VWC2L: variants seen among roughly 807,000 people sequenced by gnomAD.
VWC2L encodes von Willebrand factor C domain containing 2 like, also known as von Willebrand factor C domain-containing protein 2-like.
Under a neutral mutation model 21.6 loss-of-function variants are expected in VWC2L, and 10 were observed. That is an observed-to-expected ratio of 0.46 (90% CI 0.29 to 0.78). VWC2L has a LOEUF of 0.78. VWC2L is among the 30% of genes least tolerant of loss of function. The pLI is 0.10. For missense variants in VWC2L, 209 were observed against 277.1 expected (o/e 0.75, Z 1.74); for synonymous variants, 96 against 94.3 (o/e 1.02, Z -0.10).
chr2:214,412,467 G>GA (rs750769988), intron 1 of VWC2L, among the ~76,000 whole-genome samples: 4 of 151,944 alleles, frequency 2.6e-5, no homozygotes, highest in African/African-American at 7.2e-5. Context: ...TAATTTGAGA[G>GA]AAAAAAATGC....
chr2:214,461,881 GTGTCAGCTAC>G (rs1167919317), intron 3 of VWC2L, among the ~76,000 whole-genome samples: 1 of 152,222 alleles, frequency 6.6e-6, no homozygotes, highest in Non-Finnish European at 1.5e-5. Context: ...GTTGCTATCA[GTGTCAGCTAC>G]CTCAGAAAGC....
intron 3 of VWC2L, among the ~76,000 whole-genome samples, chr2:214,459,326 T>C (rs1330099198): frequency 2.0e-5 from 3 of 152,240 alleles, no homozygotes; most frequent in Non-Finnish European, 2.9e-5. Context: ...GGGTTTCTTT[T>C]AGGCAGCACA....
intron 3 of VWC2L, among the ~76,000 whole-genome samples, chr2:214,514,083 C>T (rs979615768): frequency 1.1e-4 from 16 of 151,910 alleles, no homozygotes; most frequent in African/African-American, 2.4e-4. Context: ...CTCATGCAAA[C>T]GACTTCATCT....
chr2:214,563,122 A>T (rs12463663), intron 3 of VWC2L, among the ~76,000 whole-genome samples: 104,649 of 151,996 alleles, frequency 0.69, 37,744 homozygotes, highest in East Asian at 0.83. Context: ...CATCTTGAGT[A>T]AATTTTTCTA....
Position 214,576,653 on chromosome 2 carries a change from T to A in VWC2L, c.*833T>A, listed in dbSNP as rs1450406178. The A allele has an allele frequency of 6.6e-6, 1 of 152,296 alleles. No homozygotes were observed. The highest frequency in any genetic ancestry group is 2.1e-4 in the South Asian group (1 of 4,820). 9.4% of individuals were successfully genotyped at this position (152,296 alleles called of 1,614,324 possible). On this transcript the variant is annotated 3_prime_UTR_variant, in exon 4 of 4. Transcript: ENST00000312504. ...TGATGTGAAATTTGAGTTTGGTTTG[T>A]AGCTAAACACACTCTAAACTCACTG...
intron 3 of VWC2L, among the ~76,000 whole-genome samples, chr2:214,541,208 T>G (rs1689621309): frequency 6.6e-6 from 1 of 152,184 alleles, no homozygotes; most frequent in Admixed American, 6.5e-5. Flanking sequence ...TCAGGATCAT[T>G]GGGCTTTTTA....
At chr2:214,561,959 C>T (rs1054135011) in intron 3 of VWC2L, among the ~76,000 whole-genome samples, 3 of 151,658 alleles carry the variant, frequency 2.0e-5, no homozygotes, top group Non-Finnish European at 2.9e-5. Context: ...GTTCAAAGCA[C>T]ACTAAGTCTT....
At chr2:214,563,279 G>A (rs1475273346) in intron 3 of VWC2L, among the ~76,000 whole-genome samples, 1 of 152,014 alleles carries the variant, frequency 6.6e-6, no homozygotes, top group Non-Finnish European at 1.5e-5. Context: ...CGGGTGCGGT[G>A]GTGCACGCCT....
intron 3 of VWC2L, among the ~76,000 whole-genome samples, chr2:214,569,307 T>C (rs1011441593): frequency 6.6e-6 from 1 of 151,998 alleles, no homozygotes; most frequent in African/African-American, 2.4e-5. Context: ...GAAATCAATG[T>C]CTGTATTTCA....
At chr2:214,418,050 T>C (rs981774275) in intron 2 of VWC2L, among the ~76,000 whole-genome samples, 3 of 152,146 alleles carry the variant, frequency 2.0e-5, no homozygotes, top group Admixed American at 1.3e-4. Flanking sequence ...TTCCACAGTA[T>C]GGAACACTTT....
At chr2:214,487,224 C>T (rs1464265381) in intron 3 of VWC2L, among the ~76,000 whole-genome samples, 4 of 151,892 alleles carry the variant, frequency 2.6e-5, no homozygotes, top group South Asian at 2.1e-4. Context: ...GTGACCAGTA[C>T]GTGTTACTTT....
intron 3 of VWC2L, among the ~76,000 whole-genome samples, chr2:214,561,802 A>C (rs1366884560): frequency 7.2e-6 from 1 of 138,286 alleles, no homozygotes; most frequent in Non-Finnish European, 1.5e-5. Flanking sequence ...ATATATATAT[A>C]TATATATACA....
At chr2:214,454,081 T>C (rs192168064) in intron 3 of VWC2L, among the ~76,000 whole-genome samples, 60 of 152,256 alleles carry the variant, frequency 3.9e-4, no homozygotes, top group Non-Finnish European at 6.9e-4. Flanking sequence ...TTGATACTAG[T>C]ATATAGAAAT....
At chr2:214,526,175 T>C (rs1433744514) in intron 3 of VWC2L, among the ~76,000 whole-genome samples, 1 of 151,696 alleles carries the variant, frequency 6.6e-6, no homozygotes, top group African/African-American at 2.4e-5. Flanking sequence ...ATTATTAATA[T>C]TTTCCAAAGC....
At chr2:214,519,121 CAGTGCGATTG>C (rs1689191129) in intron 3 of VWC2L, among the ~76,000 whole-genome samples, 1 of 152,142 alleles carries the variant, frequency 6.6e-6, no homozygotes, top group Non-Finnish European at 1.5e-5. Flanking sequence ...TAGTCATAAT[CAGTGCGATTG>C]AGGAATAAAA....
chr2:214,469,652 G>A (rs924520079), intron 3 of VWC2L, among the ~76,000 whole-genome samples: 2 of 152,056 alleles, frequency 1.3e-5, no homozygotes, highest in African/African-American at 2.4e-5. Flanking sequence ...ACTCTGTACA[G>A]CATTAAAGAT....
chr2:214,485,701 A>G (rs1688664309), intron 3 of VWC2L, among the ~76,000 whole-genome samples: 1 of 152,090 alleles, frequency 6.6e-6, no homozygotes, highest in Non-Finnish European at 1.5e-5. Context: ...TACCTGACAT[A>G]TGTCTCCACC....
At chr2:214,506,762 T>C (rs1306578049) in intron 3 of VWC2L, among the ~76,000 whole-genome samples, 1 of 152,144 alleles carries the variant, frequency 6.6e-6, no homozygotes, top group Non-Finnish European at 1.5e-5. Context: ...TGATCACTCA[T>C]TTAGTTAATT....
intron 3 of VWC2L, among the ~76,000 whole-genome samples, chr2:214,542,568 C>T (rs1282412293): frequency 6.6e-6 from 1 of 152,174 alleles, no homozygotes; most frequent in Non-Finnish European, 1.5e-5. Flanking sequence ...GCTGCCAAGG[C>T]CGACAGAATT....
Sources: gnomAD v4.1 joint callset for allele counts (sites outside exome capture counted in the v4.1 genomes callset) on GRCh38, gnomAD v4.1.1 for gene constraint, MANE v1.5 for transcripts, NCBI Gene and HGNC (gene_info 2026-07-23, HGNC 2026-07-21) for gene names.